Variants in NOX4 observed in about 807,000 individuals in gnomAD.
NOX4 encodes the protein NADPH oxidase 4.
In NOX4, 69 loss-of-function variants were observed where a neutral mutation model predicts 87.6. The ratio of observed to expected loss-of-function variants is 0.79; its 90% CI spans 0.65 to 0.96. The LOEUF is 0.96. Among genes scored for constraint, NOX4 ranks in the 40% least tolerant of loss-of-function variants. The probability of loss-of-function intolerance (pLI) is 0.00; values close to 1 mark genes in which losing one functional copy is unlikely to be tolerated. For synonymous variants in NOX4, 275 were observed against 238.2 expected (o/e 1.15, Z -1.42); for missense variants, 680 against 681.5 (o/e 1.00, Z 0.02).
the NOX4 span, among the ~76,000 whole-genome samples, chr11:89,515,567 T>C: frequency 6.6e-6 from 1 of 151,804 alleles, no homozygotes; most frequent in Non-Finnish European, 1.5e-5. Context: ...AGTGTAATGT[T>C]TGTAAATCCC....
chr11:89,535,540 T>C, the NOX4 span, among the ~76,000 whole-genome samples: 1 of 152,198 alleles, frequency 6.6e-6, no homozygotes, highest in African/African-American at 2.4e-5. Flanking sequence ...ATCATGTAAT[T>C]TATTTTGATC....
chr11:89,564,893 G>T, the NOX4 span, among the ~76,000 whole-genome samples: 1 of 151,800 alleles, frequency 6.6e-6, no homozygotes, highest in East Asian at 1.9e-4. Flanking sequence ...TAATATTTCT[G>T]TTCTGGAACT....
At chr11:89,535,826 A>G in the NOX4 span, among the ~76,000 whole-genome samples, 1 of 152,228 alleles carries the variant, frequency 6.6e-6, no homozygotes, top group Non-Finnish European at 1.5e-5. Flanking sequence ...TATATTACAG[A>G]TTAATTATTC....
At chr11:89,588,726 T>C in the NOX4 span, among the ~76,000 whole-genome samples, 1 of 152,184 alleles carries the variant, frequency 6.6e-6, no homozygotes, top group African/African-American at 2.4e-5. Context: ...GGAGGTTACA[T>C]GGGGGAGCTG....
At chr11:89,337,212 G>A (rs1322170450) in intron 16 of NOX4, among the ~76,000 whole-genome samples, 1 of 151,944 alleles carries the variant, frequency 6.6e-6, no homozygotes, top group Non-Finnish European at 1.5e-5. Context: ...AACTTGAGGC[G>A]ATAGTGAAGA....
the NOX4 span, among the ~76,000 whole-genome samples, chr11:89,514,021 T>G: frequency 6.6e-6 from 1 of 152,060 alleles, no homozygotes; most frequent in Admixed American, 6.6e-5. Context: ...ACAAGGTAAA[T>G]AAATTTCTAT....
chr11:89,448,746 G>A (rs1400890668), intron 4 of NOX4, among the ~76,000 whole-genome samples: 2 of 151,934 alleles, frequency 1.3e-5, no homozygotes, highest in Non-Finnish European at 2.9e-5. Flanking sequence ...AGCCAGGCAT[G>A]GTGGCACATG....
chr11:89,403,476 A>G (rs1424143441), intron 8 of NOX4, among the ~76,000 whole-genome samples: 3 of 152,192 alleles, frequency 2.0e-5, no homozygotes, highest in Non-Finnish European at 4.4e-5. Flanking sequence ...TGCTTTTTAA[A>G]TTATCTTTCA....
intron 11 of NOX4, among the ~76,000 whole-genome samples, chr11:89,388,001 T>C (rs528483083): frequency 2.0e-5 from 3 of 152,308 alleles, no homozygotes; most frequent in Non-Finnish European, 2.9e-5. Flanking sequence ...CAGCTATTGA[T>C]TGTATTATTT....
At chr11:89,461,647 A>AAAAT (rs60340385) in intron 2 of NOX4, among the ~76,000 whole-genome samples, 13 of 145,634 alleles carry the variant, frequency 8.9e-5, no homozygotes, top group Admixed American at 2.1e-4. Context: ...TCCATCTCAA[A>AAAAT]AAATAAATAA....
intron 12 of NOX4, among the ~76,000 whole-genome samples, chr11:89,367,742 T>G (rs547146544): frequency 6.6e-6 from 1 of 152,170 alleles, no homozygotes; most frequent in African/African-American, 2.4e-5. Flanking sequence ...TGTTTAAAAC[T>G]CCTCAATATT....
rs557712675 is a variant in NOX4, at chr11:89,418,118, G to A, written c.629+3784C>T. Among the ~76,000 whole-genome samples the A allele has an allele frequency of 5.3e-5, 8 of 152,046 alleles. No individual in the cohort carries two copies. The South Asian group carries it at 1.7e-3, about 32-fold the overall frequency. ...AAGAATGAAAACCAGGTTAAGCCAA[G>A]GGCACAGATAATCATAGAACAAAAA... On this transcript the variant is annotated intron_variant, in intron 8 of 17. Transcript: ENST00000263317.
chr11:89,543,238 T>C, the NOX4 span, among the ~76,000 whole-genome samples: 1 of 152,046 alleles, frequency 6.6e-6, no homozygotes, highest in Non-Finnish European at 1.5e-5. Context: ...ATAAGCAAAT[T>C]AGTGAATCTG....
chr11:89,389,366 C>T (rs1236916340), intron 11 of NOX4, among the ~76,000 whole-genome samples: 2 of 152,254 alleles, frequency 1.3e-5, no homozygotes, highest in Non-Finnish European at 2.9e-5. Flanking sequence ...GTCTTTTGTA[C>T]TTTGAAGTTA....
intron 4 of NOX4, among the ~76,000 whole-genome samples, chr11:89,448,017 T>A (rs1043051998): frequency 1.3e-5 from 2 of 152,178 alleles, no homozygotes; most frequent in African/African-American, 4.8e-5. Context: ...CATTCATTAG[T>A]CAAAATGGCC....
the NOX4 span, among the ~76,000 whole-genome samples, chr11:89,580,025 G>T: frequency 6.6e-6 from 1 of 152,056 alleles, no homozygotes; most frequent in Non-Finnish European, 1.5e-5. Flanking sequence ...TGCATCCTGG[G>T]AAATGATCAC....
At chr11:89,454,203 A>G (rs917723095) in intron 2 of NOX4, among the ~76,000 whole-genome samples, 3 of 152,122 alleles carry the variant, frequency 2.0e-5, no homozygotes, top group African/African-American at 7.2e-5. Context: ...TTTTTCTCTA[A>G]GTAAATGTTA....
At chr11:89,552,882 A>G in the NOX4 span, among the ~76,000 whole-genome samples, 1 of 152,192 alleles carries the variant, frequency 6.6e-6, no homozygotes, top group Non-Finnish European at 1.5e-5. Context: ...TGTGTTTATT[A>G]CACATCTTAC....
At chr11:89,424,904 T>A (rs1345415421) in intron 7 of NOX4, among the ~76,000 whole-genome samples, 1 of 152,106 alleles carries the variant, frequency 6.6e-6, no homozygotes, top group Non-Finnish European at 1.5e-5. Context: ...TCTCCATGAT[T>A]CATTTAAGAA....
Sources: gnomAD v4.1 joint callset for allele counts (sites outside exome capture counted in the v4.1 genomes callset) on GRCh38, gnomAD v4.1.1 for gene constraint, MANE v1.5 for transcripts, NCBI Gene and HGNC (gene_info 2026-07-23, HGNC 2026-07-21) for gene names.